The following MAP3K20 variants were observed in gnomAD, a reference collection of about 807,000 sequenced individuals.
The protein encoded by MAP3K20 is HCCS-4.
A neutral mutation model predicts 85.7 loss-of-function variants in MAP3K20; 40 were observed. The ratio of observed to expected loss-of-function variants is 0.47; its 90% CI spans 0.36 to 0.61. The LOEUF (loss-of-function observed/expected upper bound fraction) is 0.61, where lower values mean the gene tolerates loss of function less well. MAP3K20 is among the 20% of genes least tolerant of loss of function. The pLI is 0.00. For synonymous variants in MAP3K20, 325 were observed against 327.7 expected (o/e 0.99, Z 0.09); for missense variants, 817 against 961.7 (o/e 0.85, Z 1.99).
chr2:173,173,082 G>A (rs1048805251), intron 3 of MAP3K20, among the ~76,000 whole-genome samples: 3 of 151,888 alleles, frequency 2.0e-5, no homozygotes, highest in South Asian at 2.1e-4. Context: ...GAGCCACCGC[G>A]CCCAGCCTGG....
chr2:173,212,977 A>G (rs1216581356), intron 10 of MAP3K20, among the ~76,000 whole-genome samples: 1 of 152,078 alleles, frequency 6.6e-6, no homozygotes, highest in Non-Finnish European at 1.5e-5. Flanking sequence ...CATTCCTAAA[A>G]TCACAGATCT....
At chr2:173,243,824 C>A (rs1419466877) in intron 16 of MAP3K20, among the ~76,000 whole-genome samples, 1 of 152,084 alleles carries the variant, frequency 6.6e-6, no homozygotes, top group Non-Finnish European at 1.5e-5. Flanking sequence ...GGGGTTTCAC[C>A]GTGTTAGTAG....
chr2:173,229,658 T>C, intron 11 of MAP3K20, 31 bp from the exon 12 acceptor site: 2 of 1,613,280 alleles, frequency 1.2e-6, no homozygotes, highest in Non-Finnish European at 1.7e-6. Flanking sequence ...TATTACTTTT[T>C]TTTTTCATTT....
At chr2:173,107,790 C>G (rs1021472023) in intron 2 of MAP3K20, among the ~76,000 whole-genome samples, 13 of 152,214 alleles carry the variant, frequency 8.5e-5, no homozygotes, top group African/African-American at 2.9e-4. Context: ...ATTGTGAGGA[C>G]CACATGAGGT....
intron 2 of MAP3K20, among the ~76,000 whole-genome samples, chr2:173,099,900 A>G (rs1687586062): frequency 6.6e-6 from 1 of 152,256 alleles, no homozygotes; most frequent in Non-Finnish European, 1.5e-5. Context: ...ATGAGATCAT[A>G]TATGTGAAAT....
chr2:173,255,019 T>A (rs1388814527), intron 16 of MAP3K20, among the ~76,000 whole-genome samples: 1 of 152,234 alleles, frequency 6.6e-6, no homozygotes, highest in Non-Finnish European at 1.5e-5. Context: ...GCCCTCCTTG[T>A]CTTATGACTT....
rs1480533544 is a variant in MAP3K20, at chr2:173,266,277, A to G, written c.1930A>G (p.Thr644Ala). 1.9e-6 allele frequency: 3 copies of G among 1,614,134 alleles called. No individual in the cohort carries two copies. The Admixed American group carries it at 5.0e-5, about 27-fold the overall frequency. The change falls in exon 20 of 20, where the codon ACC becomes GCC. Residue 644 changes from threonine (T) to alanine (A), a missense_variant. Coordinates refer to ENST00000375213, the MANE Select transcript of MAP3K20 (RefSeq NM_016653.3). The part of the protein sequence containing the change: ...RSSSPTQYGL[T>A]KNFSSLHLNS... ...CTCGTCTCCTACTCAGTATGGACTGACCAAAAACTTCTCTTCCCTACATCT... is the reference window on the plus strand; with the variant it reads ...CTCGTCTCCTACTCAGTATGGACTGGCCAAAAACTTCTCTTCCCTACATCT...
intron 1 of MAP3K20, among the ~76,000 whole-genome samples, chr2:173,086,454 G>C (rs1367423722): frequency 6.6e-6 from 1 of 152,170 alleles, no homozygotes; most frequent in Non-Finnish European, 1.5e-5. Flanking sequence ...GCTTTGCCAA[G>C]CTCACTGGAG....
At chr2:173,243,757 A>G (rs1466723506) in intron 16 of MAP3K20, among the ~76,000 whole-genome samples, 1 of 151,740 alleles carries the variant, frequency 6.6e-6, no homozygotes, top group Non-Finnish European at 1.5e-5. Flanking sequence ...AGCTGGGACT[A>G]CAACTACAGG....
At chr2:173,160,052 C>T (rs1033900219) in intron 2 of MAP3K20, 3 of 151,306 alleles carry the variant, frequency 2.0e-5, no homozygotes, top group Admixed American at 6.6e-5. Context: ...TTTTTTTTTT[C>T]ATAGCATTTG....
intron 11 of MAP3K20, chr2:173,224,698 T>C: frequency 1.0e-6 from 1 of 985,486 alleles, no homozygotes; most frequent in Non-Finnish European, 1.2e-6. Context: ...TCTATTACTT[T>C]CTGTTCCCAA....
intron 2 of MAP3K20, among the ~76,000 whole-genome samples, chr2:173,149,595 A>G (rs755947608): frequency 2.0e-5 from 3 of 152,070 alleles, no homozygotes; most frequent in Admixed American, 6.6e-5. Flanking sequence ...AAAGGCTGAG[A>G]ACCTTGCTCA....
chr2:173,110,220 TATATATATATATA>T (rs1687913235), intron 2 of MAP3K20, among the ~76,000 whole-genome samples: 1 of 8,126 alleles, frequency 1.2e-4, no homozygotes. Context: ...TATATATATA[TATATATATATATA>T]TATATATATT....
Position 173,182,887 on chromosome 2 carries a change from T to A in MAP3K20, c.281T>A (p.Ile94Asn). Residue 94 changes from isoleucine to asparagine, a missense_variant, in exon 4 of 20, where the codon ATT becomes AAT. Ile to Asn is a moderately radical substitution (Grantham distance 149). Around this residue, in one of 4 missense-constraint regions of MAP3K20, gnomAD observed 200 missense variants for 302.7 expected, o/e 0.66. Coordinates refer to ENST00000375213, the MANE Select transcript of MAP3K20 (RefSeq NM_016653.3). ...TCTCTGGGATCACTCTATGATTACA[T>A]TAACAGTAACAGAAGTGAGGAGATG... Reference protein sequence around the residue: ...YASLGSLYDYINSNRSEEMDM... With the variant: ...YASLGSLYDYNNSNRSEEMDM... 1.2e-6 allele frequency: 2 copies of A among 1,609,596 alleles called. No individual in the cohort carries two copies. The highest frequency in any genetic ancestry group is 1.7e-6 in the Non-Finnish European group (2 of 1,178,214).
At chr2:173,176,060 AATG>A in intron 3 of MAP3K20, among the ~76,000 whole-genome samples, 1 of 152,274 alleles carries the variant, frequency 6.6e-6, no homozygotes, top group East Asian at 1.9e-4. Flanking sequence ...GTGTTTAATT[AATG>A]ATGTTTATTT....
At chr2:173,118,747 C>G (rs1177666508) in intron 2 of MAP3K20, among the ~76,000 whole-genome samples, 1 of 152,210 alleles carries the variant, frequency 6.6e-6, no homozygotes, top group African/African-American at 2.4e-5. Context: ...AGGTAACCAT[C>G]ATTTTTTGTA....
rs151135969 is a variant in MAP3K20, at chr2:173,094,873, T to C, written c.159+3683T>C. Among the ~76,000 whole-genome samples the C allele has an allele frequency of 1.6e-3, 243 of 152,356 alleles. 1 individual carries two copies. The highest frequency in any genetic ancestry group is 5.6e-3 in the African/African-American group (233 of 41,584). On this transcript the variant is annotated intron_variant, in intron 2 of 19. Transcript: ENST00000375213. ...GAAAATACCTATTTTTCCTTTGTAA[T>C]TAATAATTAAGCTATTGGTAGATAC...
chr2:173,197,972 G>A (rs1465392037), intron 7 of MAP3K20, 54 bp from the exon 8 acceptor site: 4 of 1,535,536 alleles, frequency 2.6e-6, no homozygotes, highest in Non-Finnish European at 2.7e-6. Context: ...TCAGTAATAT[G>A]TACCAAAAAA....
intron 11 of MAP3K20, 95 bp downstream of exon 11, chr2:173,217,345 G>T (rs919851030): frequency 1.5e-6 from 2 of 1,318,072 alleles, no homozygotes; most frequent in African/African-American, 3.0e-5. Context: ...GCCTCCCGCC[G>T]CCCCCTCCTC....
Sources: gnomAD v4.1 joint callset for allele counts (sites outside exome capture counted in the v4.1 genomes callset) on GRCh38, gnomAD v4.1.1 for gene constraint, gnomAD v4.1.1 regional missense constraint, MANE v1.5 for transcripts, NCBI Gene and HGNC (gene_info 2026-07-23, HGNC 2026-07-21) for gene names.